RADIL: variants seen among roughly 807,000 people sequenced by gnomAD.
RADIL encodes the protein ras-associating and dilute domain-containing protein.
Under a neutral mutation model 97.6 loss-of-function variants are expected in RADIL, and 99 were observed. The ratio of observed to expected loss-of-function variants is 1.01; its 90% CI spans 0.86 to 1.20. The LOEUF is 1.20. RADIL is among the 50% of genes most tolerant of loss of function. The pLI, the probability that RADIL is intolerant of heterozygous loss-of-function variation, is 0.00. For synonymous variants in RADIL, 803 were observed against 691.8 expected (o/e 1.16, Z -2.52); for missense variants, 1,765 against 1,498.9 (o/e 1.18, Z -2.93).
At chr7:4,863,209 C>G (rs866606861) in intron 2 of RADIL, among the ~76,000 whole-genome samples, 3 of 152,220 alleles carry the variant, frequency 2.0e-5, no homozygotes, top group Non-Finnish European at 4.4e-5. Flanking sequence ...CACTTAAATA[C>G]TTATATTTCA....
chr7:4,824,516 C>T lies in RADIL; in HGVS notation c.1455-1962G>A, dbSNP rs77384072. ...CAGCCGAGCAGGGCTGGGGGAGGAA[C>T]CCCAGGCTGCGTCCCAGATTCTCCC... On this transcript the variant is annotated intron_variant, in intron 5 of 14. Coordinates refer to ENST00000399583, the MANE Select transcript of RADIL (RefSeq NM_018059.5). The surrounding 1 kb of genome is among the most constrained non-coding windows in gnomAD (Gnocchi z 6.7). 0.016 allele frequency among the ~76,000 whole-genome samples: 2,458 copies of T among 152,314 alleles called. 53 individuals carry two copies. The highest frequency in any genetic ancestry group is 0.056 in the African/African-American group (2,313 of 41,566).
In RADIL at chr7:4,864,972, T is replaced by C. The variant is rs543196206; in HGVS notation, c.535+12633A>G. On this transcript the variant is annotated intron_variant, in intron 2 of 14. Coordinates refer to ENST00000399583, the MANE Select transcript of RADIL (RefSeq NM_018059.5). ...GGTAGATCTTTTCCCCAACTATCTG[T>C]CTAGCCGCACCTTCTGCAACTTTCC... Among the ~76,000 whole-genome samples the C allele has an allele frequency of 5.1e-4, 78 of 152,314 alleles. 1 individual carries two copies. The highest frequency in any genetic ancestry group is 1.6e-3 in the African/African-American group (65 of 41,564).
At chr7:4,844,211 C>T (rs1028131779) in intron 2 of RADIL, among the ~76,000 whole-genome samples, 3 of 152,002 alleles carry the variant, frequency 2.0e-5, no homozygotes, top group Non-Finnish European at 2.9e-5. Context: ...CTTTGGAGGC[C>T]GAGGCAGGCA....
At chr7:4,858,004 G>A (rs1304422947) in intron 2 of RADIL, 1 of 152,686 alleles carries the variant, frequency 6.5e-6, no homozygotes, top group Admixed American at 6.5e-5. Flanking sequence ...AAAATGACCA[G>A]ACTAAATTTG....
At chr7:4,851,122 T>C (rs1013449300) in intron 2 of RADIL, among the ~76,000 whole-genome samples, 1 of 151,654 alleles carries the variant, frequency 6.6e-6, no homozygotes, top group Non-Finnish European at 1.5e-5. Context: ...GGAGAATCAC[T>C]TGAATGTGGG....
At chr7:4,861,848 A>ACCGCGACCTTCACGTCCCCCACCG in intron 2 of RADIL, 1 of 1,385,170 alleles carries the variant, frequency 7.2e-7, no homozygotes, top group Non-Finnish European at 9.4e-7. Context: ...GTCCCCCACC[A>ACCGCGACCTTCACGTCCCCCACCG]CCGCGACCTT....
At chr7:4,843,844 G>A (rs188887230) in intron 2 of RADIL, among the ~76,000 whole-genome samples, 23 of 151,046 alleles carry the variant, frequency 1.5e-4, no homozygotes, top group Non-Finnish European at 2.4e-4. Flanking sequence ...CCCATAAGGC[G>A]GAGGTTGCAG....
rs190174063 is a variant in RADIL, at chr7:4,818,989, G to C, written c.1616-1638C>G. Among the ~76,000 whole-genome samples the C allele has an allele frequency of 4.6e-5, 7 of 151,492 alleles. No homozygotes were observed. The highest frequency in any genetic ancestry group is 3.3e-4 in the Admixed American group (5 of 15,200). On this transcript the variant is annotated intron_variant, in intron 6 of 14. Coordinates refer to ENST00000399583, the MANE Select transcript of RADIL (RefSeq NM_018059.5). The surrounding 1 kb of genome is among the most constrained non-coding windows in gnomAD (Gnocchi z 7.1). ...GCTGGTCTGGAACTCCAATCTACCC[G>C]CCTTGGCCCCCCAAAGTGCTGGGAT...
chr7:4,809,420 G>T (rs560294906), intron 9 of RADIL: 63 of 985,284 alleles, frequency 6.4e-5, no homozygotes, highest in Non-Finnish European at 7.1e-5. Flanking sequence ...CCTCCTTTCC[G>T]TGCACACAGG....
chr7:4,877,856 TCCTTCACCAGC>T lies in RADIL; in HGVS notation c.273_283del (p.Leu92GlyfsTer19). On this transcript the variant is annotated frameshift_variant, in exon 2 of 15. Coordinates refer to ENST00000399583, the MANE Select transcript of RADIL (RefSeq NM_018059.5). LOFTEE classifies it high-confidence loss of function. ...GTCCAGGGCGTACCGCTCCAGCGCC[TCCTTCACCAGC>T]TCACGGGCGCTGGAGGTGCCGGTGG... 3 of 1,606,224 alleles carry T rather than the reference TCCTTCACCAGC, an allele frequency of 1.9e-6. No homozygotes were observed. The highest frequency in any genetic ancestry group is 2.7e-5 in the African/African-American group (2 of 75,020).
At position 4,824,567 on chromosome 7, in the gene RADIL, C is replaced by T. The variant is rs963174782; in HGVS notation, c.1455-2013G>A. Among the ~76,000 whole-genome samples, 6 of 139,120 alleles carry T rather than the reference C, an allele frequency of 4.3e-5. No homozygotes were observed. Among genetic ancestry groups the T allele is most frequent in the African/African-American group, 1.8e-4 (6 of 33,484 alleles). 91.3% of individuals were successfully genotyped at this position (139,120 alleles called of 152,430 possible). Reference sequence around the variant, plus strand: ...CGGTACCCAAAGTGTTGCCTGCTCTCTCTGACGTCACTTCACTTTTGTCCA... The same window carrying T: ...CGGTACCCAAAGTGTTGCCTGCTCTTTCTGACGTCACTTCACTTTTGTCCA... On this transcript the variant is annotated intron_variant, in intron 5 of 14. Transcript: ENST00000399583. This position sits in a 1 kb window ranked among gnomAD's most constrained non-coding sequence, Gnocchi z 6.7.
intron 2 of RADIL, among the ~76,000 whole-genome samples, chr7:4,869,410 G>C (rs1220616238): frequency 6.6e-6 from 1 of 152,214 alleles, no homozygotes; most frequent in Admixed American, 6.5e-5. Context: ...TAGGATTACA[G>C]GCGTGAGCCA....
chr7:4,809,765 C>T (rs1340971598), intron 9 of RADIL, among the ~76,000 whole-genome samples: 1 of 152,220 alleles, frequency 6.6e-6, no homozygotes, highest in African/African-American at 2.4e-5. Flanking sequence ...TCACTGCAAC[C>T]TCCATCTCCC....
At chr7:4,874,539 C>T (rs963757045) in intron 2 of RADIL, among the ~76,000 whole-genome samples, 12 of 152,246 alleles carry the variant, frequency 7.9e-5, no homozygotes, top group Admixed American at 5.9e-4. Flanking sequence ...CCCTGGGCCA[C>T]AGCCAGAGAA....
At chr7:4,856,399 C>T (rs1369396951) in intron 2 of RADIL, among the ~76,000 whole-genome samples, 3 of 152,216 alleles carry the variant, frequency 2.0e-5, no homozygotes, top group Admixed American at 6.5e-5. Flanking sequence ...CATGAGCTAC[C>T]GCACCCGGCC....
At position 4,797,063 on chromosome 7, in the gene RADIL, A is replaced by C. The variant is rs1165462093; in HGVS notation, c.*2315T>G. 1.3e-5 allele frequency: 2 copies of C among 152,288 alleles called. No individual in the cohort carries two copies. Among genetic ancestry groups the C allele is most frequent in the Non-Finnish European group, 2.9e-5 (2 of 68,098 alleles). The allele number at this position is 152,288 out of a possible 1,614,324, so 9.4% of individuals were successfully genotyped here. ...ACCCATAAGAAGTGTTACCTTTCAC[A>C]GTGTTGTAGATTGTCTGGGGCCTGG... On this transcript the variant is annotated 3_prime_UTR_variant, in exon 15 of 15. Transcript: ENST00000399583.
At position 4,834,662 on chromosome 7, in the gene RADIL, C is replaced by T. The variant is rs536776670; in HGVS notation, c.1361G>A (p.Gly454Asp). The T allele has an allele frequency of 3.7e-6, 5 of 1,366,432 alleles. No individual in the cohort carries two copies. In the African/African-American group the frequency reaches 4.5e-5, roughly 12 times the overall value. 84.6% of individuals were successfully genotyped at this position (1,366,432 alleles called of 1,614,324 possible). Residue 454 changes from glycine to aspartate, a missense_variant, in exon 4 of 15, where the codon GGC (glycine) becomes GAC (aspartate). Coordinates refer to ENST00000399583, the MANE Select transcript of RADIL (RefSeq NM_018059.5). The surrounding 1 kb of genome is among the most constrained non-coding windows in gnomAD (Gnocchi z 6.0). ...CTTGAGCAGGAGCTGCCCGAATGTG[C>T]CCGGCTGGAAGTGGGTGGCCGAGTG... The part of the protein sequence containing the change: ...IQHSATHFQP[G>D]TFGQLLLKIA...
intron 2 of RADIL, among the ~76,000 whole-genome samples, chr7:4,844,603 G>C (rs1036294739): frequency 1.3e-5 from 2 of 152,084 alleles, no homozygotes; most frequent in East Asian, 3.9e-4. Flanking sequence ...CAAAATTCAG[G>C]CTGTTTTGTT....
chr7:4,860,785 A>G lies in RADIL; in HGVS notation c.535+16820T>C, dbSNP rs189122332. 19 of 1,614,094 alleles carry G rather than the reference A, an allele frequency of 1.2e-5. No homozygotes were observed. The Admixed American group carries it at 3.2e-4, about 27-fold the overall frequency. On this transcript the variant is annotated intron_variant, in intron 2 of 14. Coordinates refer to ENST00000399583, the MANE Select transcript of RADIL (RefSeq NM_018059.5). ...CGTGTGTGATAGCAAGCCCCTGTTT[A>G]AACTCCTCAATCATGACCATCCTGG...
Sources: allele counts gnomAD v4.1 joint callset (sites outside exome capture counted in the v4.1 genomes callset), GRCh38; gene constraint gnomAD v4.1.1; non-coding constraint Gnocchi (gnomAD v3.1); transcripts MANE v1.5; gene names NCBI Gene and HGNC (gene_info 2026-07-23, HGNC 2026-07-21).